Variants in AGBL1 observed in about 807,000 individuals in gnomAD.
The protein encoded by AGBL1 is cytosolic carboxypeptidase 4.
AGBL1 carries 130 observed loss-of-function variants against 118.9 expected under a neutral mutation model. The observed-to-expected ratio is 1.09, with a 90% CI of 0.95 to 1.26. AGBL1 has a LOEUF of 1.26. Among genes scored for constraint, AGBL1 ranks in the 50% most tolerant of loss-of-function variants. The probability of loss-of-function intolerance (pLI) is 0.00; values close to 1 mark genes in which losing one functional copy is unlikely to be tolerated. For missense variants in AGBL1, 1,584 were observed against 1,298.1 expected (o/e 1.22, Z -3.38); for synonymous variants, 555 against 478.9 (o/e 1.16, Z -2.08).
intron 23 of AGBL1, among the ~76,000 whole-genome samples, chr15:86,970,526 C>T (rs764376632): frequency 8.6e-5 from 13 of 151,926 alleles, no homozygotes; most frequent in Non-Finnish European, 1.8e-4. Context: ...TGCTCAAAGT[C>T]ATAGTGGTGG....
chr15:86,583,275 C>T (rs536824222), intron 21 of AGBL1, among the ~76,000 whole-genome samples: 1 of 152,032 alleles, frequency 6.6e-6, no homozygotes, highest in South Asian at 2.1e-4. Flanking sequence ...GTACTGGTAC[C>T]TAAAATTAGC....
chr15:86,868,205 G>A (rs1455550270), intron 22 of AGBL1, among the ~76,000 whole-genome samples: 1 of 152,190 alleles, frequency 6.6e-6, no homozygotes, highest in African/African-American at 2.4e-5. Context: ...AAGAAGCAAA[G>A]GAACAGCCAT....
chr15:86,155,459 A>T (rs2077175797), intron 4 of AGBL1, among the ~76,000 whole-genome samples: 1 of 152,190 alleles, frequency 6.6e-6, no homozygotes, highest in Non-Finnish European at 1.5e-5. Flanking sequence ...TAAAAAAATA[A>T]AAAAAGTGAA....
At chr15:86,120,945 G>T (rs1369777097) in intron 1 of AGBL1, among the ~76,000 whole-genome samples, 2 of 151,148 alleles carry the variant, frequency 1.3e-5, no homozygotes. Context: ...TGCCTAGGCT[G>T]GAGTGCAGTG....
intron 18 of AGBL1, among the ~76,000 whole-genome samples, chr15:86,491,585 G>C (rs1199710249): frequency 1.3e-5 from 2 of 152,094 alleles, no homozygotes; most frequent in African/African-American, 4.8e-5. Context: ...CCAGGAAAGA[G>C]ACAGACTAGA....
chr15:86,173,355 G>C (rs572895384), intron 5 of AGBL1: 1 of 152,124 alleles, frequency 6.6e-6, no homozygotes, highest in Admixed American at 6.5e-5. Flanking sequence ...TCCCCCGCCA[G>C]AGAGTTTGCA....
At chr15:86,263,271 T>G (rs1226988807) in intron 10 of AGBL1, among the ~76,000 whole-genome samples, 1 of 152,230 alleles carries the variant, frequency 6.6e-6, no homozygotes, top group African/African-American at 2.4e-5. Context: ...GTATTACTAT[T>G]GCCTACAGTG....
At chr15:86,236,286 C>G (rs193162582) in intron 6 of AGBL1, among the ~76,000 whole-genome samples, 1 of 151,968 alleles carries the variant, frequency 6.6e-6, no homozygotes, top group African/African-American at 2.4e-5. Context: ...GTGAGGCACA[C>G]AGAGCACTAG....
At chr15:86,833,900 A>G (rs893377548) in intron 22 of AGBL1, among the ~76,000 whole-genome samples, 2 of 152,152 alleles carry the variant, frequency 1.3e-5, no homozygotes, top group African/African-American at 4.8e-5. Context: ...TTCACCCTTG[A>G]AAACTCAGCC....
At chr15:86,770,717 C>T (rs113950901) in intron 22 of AGBL1, among the ~76,000 whole-genome samples, 11 of 152,012 alleles carry the variant, frequency 7.2e-5, no homozygotes, top group South Asian at 2.1e-4. Flanking sequence ...AGCTCCCTCA[C>T]GGGCTGGGGC....
chr15:86,102,047 T>C (rs530480863), intron 1 of AGBL1, among the ~76,000 whole-genome samples: 29 of 152,010 alleles, frequency 1.9e-4, no homozygotes, highest in Non-Finnish European at 1.6e-4. Flanking sequence ...TCTCTTTTTT[T>C]TTTTTTTAAT....
chr15:86,919,240 G>A (rs191217520), downstream of AGBL1, among the ~76,000 whole-genome samples: 20 of 152,190 alleles, frequency 1.3e-4, no homozygotes, highest in Admixed American at 3.3e-4. Context: ...CAACAAGACC[G>A]CTTAGCAAAG....
intron 22 of AGBL1, among the ~76,000 whole-genome samples, chr15:86,849,887 G>T (rs927547317): frequency 2.0e-5 from 3 of 152,182 alleles, no homozygotes; most frequent in African/African-American, 7.2e-5. Context: ...TCGACATCAC[G>T]CTTTAATTTT....
intron 23 of AGBL1, among the ~76,000 whole-genome samples, chr15:86,965,639 G>T (rs1240393265): frequency 6.6e-6 from 1 of 151,992 alleles, no homozygotes; most frequent in Non-Finnish European, 1.5e-5. Flanking sequence ...TAAAGAAAAT[G>T]TGGCACATAT....
chr15:86,366,892 T>G (rs1038144568), intron 17 of AGBL1, among the ~76,000 whole-genome samples: 5 of 152,160 alleles, frequency 3.3e-5, no homozygotes, highest in African/African-American at 1.2e-4. Context: ...GTTCCAGCAA[T>G]AAGGTGTTCG....
At chr15:86,140,824 A>G (rs1027989350) in intron 1 of AGBL1, among the ~76,000 whole-genome samples, 2 of 152,194 alleles carry the variant, frequency 1.3e-5, no homozygotes, top group African/African-American at 4.8e-5. Flanking sequence ...GGAAACTCCA[A>G]GGGGTTCCGT....
intron 22 of AGBL1, among the ~76,000 whole-genome samples, chr15:86,829,947 T>C (rs181725156): frequency 2.5e-3 from 385 of 152,260 alleles, no homozygotes; most frequent in Non-Finnish European, 4.6e-3. Flanking sequence ...TAGCCAAGAA[T>C]GCTGCTACAC....
At chr15:86,556,910 C>T (rs1047142710) in intron 21 of AGBL1, among the ~76,000 whole-genome samples, 2 of 152,068 alleles carry the variant, frequency 1.3e-5, no homozygotes, top group Non-Finnish European at 2.9e-5. Context: ...CATTTCTCCC[C>T]CAGCACACTA....
chr15:86,724,235 CAAAAAAAA>C (rs1204898095), intron 22 of AGBL1, among the ~76,000 whole-genome samples: 8 of 73,860 alleles, frequency 1.1e-4, no homozygotes, highest in African/African-American at 4.5e-4. Context: ...GACTCCATCT[CAAAAAAAA>C]AAAAAAAAAA....
Sources: gnomAD v4.1 joint callset for allele counts (sites outside exome capture counted in the v4.1 genomes callset) on GRCh38, gnomAD v4.1.1 for gene constraint, MANE v1.5 for transcripts, NCBI Gene and HGNC (gene_info 2026-07-23, HGNC 2026-07-21) for gene names.